The following ERBB2 variants were observed in gnomAD, a reference collection of about 807,000 sequenced individuals.
The protein encoded by ERBB2 is erb-b2 receptor tyrosine kinase 2, also known as receptor tyrosine-protein kinase erbB-2.
ERBB2 carries 61 observed loss-of-function variants against 149.0 expected under a neutral mutation model. The ratio of observed to expected loss-of-function variants is 0.41; its 90% CI spans 0.33 to 0.51. The LOEUF is 0.51. Ranked by LOEUF, ERBB2 falls within the 20% of genes least tolerant of loss-of-function variation. The pLI is 0.25. For missense variants in ERBB2, 1,205 were observed against 1,655.1 expected (o/e 0.73, Z 4.72); for synonymous variants, 633 against 678.8 (o/e 0.93, Z 1.05).
upstream of ERBB2, among the ~76,000 whole-genome samples, chr17:39,699,043 G>C (rs895360734): frequency 1.2e-4 from 19 of 152,126 alleles, no homozygotes; most frequent in Admixed American, 1.2e-3. Flanking sequence ...AATAGAATGT[G>C]GTTGAGAAGT....
upstream of ERBB2, among the ~76,000 whole-genome samples, chr17:39,690,682 C>T (rs1178446801): frequency 6.6e-6 from 1 of 152,160 alleles, no homozygotes; most frequent in Non-Finnish European, 1.5e-5. Flanking sequence ...GCCTGGAGCC[C>T]CTAGTTCTCC....
intron 16 of ERBB2, among the ~76,000 whole-genome samples, chr17:39,721,249 G>A (rs1057346974): frequency 3.3e-5 from 5 of 150,084 alleles, no homozygotes; most frequent in African/African-American, 9.8e-5. Context: ...CACTCCTGGC[G>A]ATGAGCCAAG....
chr17:39,712,382 T>C lies in ERBB2; in HGVS notation c.1082T>C (p.Ile361Thr). The change falls in exon 9 of 27, where the codon ATC (isoleucine) becomes ACC (threonine). Residue 361 changes from isoleucine (I) to threonine (T), a missense_variant. This residue lies in a region of ERBB2 where 569 missense variants were observed against 803.5 expected (regional missense o/e 0.71). Coordinates refer to ENST00000269571, the MANE Select transcript of ERBB2 (RefSeq NM_004448.4). The part of the protein sequence containing the change: ...REVRAVTSAN[I>T]QEFAGCKKIF... ...GTGAGGGCAGTTACCAGTGCCAATATCCAGGAGTTTGCTGGCTGCAAGAAG... is the reference window on the plus strand; with the variant it reads ...GTGAGGGCAGTTACCAGTGCCAATACCCAGGAGTTTGCTGGCTGCAAGAAG... The C allele has an allele frequency of 1.9e-6, 3 of 1,613,800 alleles. No individual in the cohort carries two copies. The highest frequency in any genetic ancestry group is 1.3e-5 in the African/African-American group (1 of 74,994).
At chr17:39,704,700 T>A (rs1386290765) in intron 1 of ERBB2, among the ~76,000 whole-genome samples, 1 of 152,144 alleles carries the variant, frequency 6.6e-6, no homozygotes, top group Non-Finnish European at 1.5e-5. Flanking sequence ...CCAGCAAGCC[T>A]CCAGTTCCCT....
chr17:39,726,131 C>T lies in ERBB2; in HGVS notation c.2872+278C>T, dbSNP rs2059744189. On this transcript the variant is annotated intron_variant, in intron 23 of 26. Transcript: ENST00000269571. The surrounding 1 kb of genome is among the most constrained non-coding windows in gnomAD (Gnocchi z 5.1). ...GGAGGATCCCTTGAAGCCAGGAGTT[C>T]AAGACCAGCCTGGGCAACATAGTGA... 4 of 458,306 alleles carry T rather than the reference C, an allele frequency of 8.7e-6. No homozygotes were observed. Among genetic ancestry groups the T allele is most frequent in the Non-Finnish European group, 1.6e-5 (4 of 257,530 alleles). The allele number at this position is 458,306 out of a possible 1,614,324, so 28.4% of individuals were successfully genotyped here.
In ERBB2 at chr17:39,723,313, C is replaced by T. The variant is rs2145801521; in HGVS notation, c.1947-6C>T. On this transcript the variant is annotated splice_region_variant and splice_polypyrimidine_tract_variant and intron_variant, in intron 16 of 26. Transcript: ENST00000269571. The surrounding 1 kb of genome is among the most constrained non-coding windows in gnomAD (Gnocchi z 6.2). ...CTCAATCCCTGACCCTGGCTTCCGC[C>T]CCCAGCCCTCTGACGTCCATCATCT... is the stretch of plus-strand genomic sequence containing the variant. 1.2e-6 allele frequency: 2 copies of T among 1,613,920 alleles called. No homozygotes were observed. Among genetic ancestry groups the T allele is most frequent in the Non-Finnish European group, 1.7e-6 (2 of 1,179,838 alleles).
intron 7 of ERBB2, 94 bp downstream of exon 7, chr17:39,710,575 T>C: frequency 7.0e-7 from 1 of 1,424,404 alleles, no homozygotes; most frequent in Non-Finnish European, 9.7e-7. Flanking sequence ...TGCATCTTGC[T>C]TTGAGAGCTG....
chr17:39,715,600 C>T (rs1273344877), intron 11 of ERBB2, 64 bp downstream of exon 11: 19 of 1,571,278 alleles, frequency 1.2e-5, no homozygotes, highest in Non-Finnish European at 1.7e-5. Flanking sequence ...CTGTGGGAAG[C>T]TTTGGGCCTG....
rs111337160 is a variant in ERBB2 at position 39,717,481 on chromosome 17, G to A, written c.1898+1G>A. On this transcript the variant is annotated splice_donor_variant, in intron 15 of 26. Transcript: ENST00000269571. LOFTEE classifies it high-confidence loss of function. ...CTTGCCCCATCAACTGCACCCACTCGTGAGTCCAACGGTCTTTTCTGCAGA... is the reference window on the plus strand; with the variant it reads ...CTTGCCCCATCAACTGCACCCACTCATGAGTCCAACGGTCTTTTCTGCAGA... The A allele has an allele frequency of 2.5e-6, 4 of 1,610,562 alleles. No homozygotes were observed. The highest frequency in any genetic ancestry group is 3.4e-6 in the Non-Finnish European group (4 of 1,177,874).
chr17:39,694,256 T>C (rs187248263), upstream of ERBB2, among the ~76,000 whole-genome samples: 39 of 21,408 alleles, frequency 1.8e-3, 7 homozygotes, highest in Non-Finnish European at 3.9e-3. Context: ...TATATATATA[T>C]ATATATATAT....
chr17:39,717,241 G>T (rs868587236), intron 14 of ERBB2, 79 bp from the exon 15 acceptor site: 1 of 1,254,640 alleles, frequency 8.0e-7, no homozygotes, highest in Non-Finnish European at 1.1e-6. Context: ...AGCACAAAGG[G>T]GACCCAACTA....
chr17:39,724,162 A>G (rs2059603169), intron 19 of ERBB2, 152 bp downstream of exon 19: 2 of 598,636 alleles, frequency 3.3e-6, no homozygotes, highest in Non-Finnish European at 5.8e-6. Context: ...TCTGTCACCC[A>G]GGCTGGAGTG....
chr17:39,725,543 C>A lies in ERBB2; in HGVS notation c.2725+141C>A. 8.4e-7 allele frequency: 1 copy of A among 1,187,780 alleles called. No individual in the cohort carries two copies. Among genetic ancestry groups the A allele is most frequent in the Non-Finnish European group, 1.2e-6 (1 of 830,644 alleles). 73.6% of individuals were successfully genotyped at this position (1,187,780 alleles called of 1,614,324 possible). On this transcript the variant is annotated intron_variant, in intron 22 of 26. Coordinates refer to ENST00000269571, the MANE Select transcript of ERBB2 (RefSeq NM_004448.4). This position sits in a 1 kb window ranked among gnomAD's most constrained non-coding sequence, Gnocchi z 4.6. ...CTGCCTGTGCCCCACCTTGCAGGGT[C>A]TGTGCACTTCCCAGGATTAGGGAAA...
At chr17:39,709,651 G>T (rs2058677329) in intron 4 of ERBB2, among the ~76,000 whole-genome samples, 162 bp from the exon 5 acceptor site, 1 of 152,116 alleles carries the variant, frequency 6.6e-6, no homozygotes, top group African/African-American at 2.4e-5. Flanking sequence ...CTGCTTATAG[G>T]TTGTGCCTCT....
chr17:39,702,745 A>G lies in ERBB2; in HGVS notation c.73+2434A>G, dbSNP rs1454929491. On this transcript the variant is annotated intron_variant, in intron 1 of 26. Transcript: ENST00000269571. ...TTAAGAAATGTACGGTGTACTTCCT[A>G]TATGCTAGGTTTTTATCCATGCTTT... is the stretch of plus-strand genomic sequence containing the variant. 2.0e-5 allele frequency among the ~76,000 whole-genome samples: 3 copies of G among 152,182 alleles called. No individual in the cohort carries two copies. The South Asian group carries it at 6.2e-4, about 31-fold the overall frequency.
chr17:39,693,765 A>AAATAATAATAAT (rs71355408), upstream of ERBB2, among the ~76,000 whole-genome samples: 11 of 143,442 alleles, frequency 7.7e-5, no homozygotes, highest in South Asian at 2.2e-4. Context: ...CTCGAAAATA[A>AAATAATAATAAT]AATAATAATA....
intron 1 of ERBB2, among the ~76,000 whole-genome samples, chr17:39,703,781 G>C (rs2058251155): frequency 6.6e-6 from 1 of 152,240 alleles, no homozygotes; most frequent in African/African-American, 2.4e-5. Flanking sequence ...GATACACCAG[G>C]TGTTTGTGGT....
rs1358325733 is a variant in ERBB2 at position 39,716,303 on chromosome 17, G to A, written c.1516G>A (p.Gly506Ser). 1 of 1,586,958 alleles carries A rather than the reference G, an allele frequency of 6.3e-7. No individual in the cohort carries two copies. The highest frequency in any genetic ancestry group is 8.6e-7 in the Non-Finnish European group (1 of 1,168,770). The part of the protein sequence containing the change: ...TANRPEDECV[G>S]EGLACHQLCA... ...CGGTCCCTTCCTCCTCACTGCAGTGGGCGAGGGCCTGGCCTGCCACCAGCT... is the reference window on the plus strand; with the variant it reads ...CGGTCCCTTCCTCCTCACTGCAGTGAGCGAGGGCCTGGCCTGCCACCAGCT... The change falls in exon 13 of 27, where the codon GGC becomes AGC. Residue 506 changes from glycine (G) to serine (S), a missense_variant and splice_region_variant. Physicochemically the swap from Gly to Ser is moderately conservative, Grantham distance 56 (BLOSUM62 0). This residue lies in a region of ERBB2 where 569 missense variants were observed against 803.5 expected (regional missense o/e 0.71). Coordinates refer to ENST00000269571, the MANE Select transcript of ERBB2 (RefSeq NM_004448.4).
intron 8 of ERBB2, 110 bp downstream of exon 8, chr17:39,712,157 C>G (rs1445417107): frequency 9.6e-6 from 15 of 1,557,344 alleles, no homozygotes; most frequent in Non-Finnish European, 1.3e-5. Flanking sequence ...GGGACCTAGT[C>G]TCTGCCTTCT....
Sources: gnomAD v4.1 joint callset for allele counts (sites outside exome capture counted in the v4.1 genomes callset) on GRCh38, gnomAD v4.1.1 for gene constraint, gnomAD v4.1.1 regional missense constraint, Gnocchi (gnomAD v3.1) non-coding constraint, MANE v1.5 for transcripts, NCBI Gene and HGNC (gene_info 2026-07-23, HGNC 2026-07-21) for gene names.